Variants in INPP5B observed in about 807,000 individuals in gnomAD.
INPP5B encodes the protein type II inositol 1,4,5-trisphosphate 5-phosphatase.
INPP5B carries 90 observed loss-of-function variants against 118.5 expected under a neutral mutation model. That is an observed-to-expected ratio of 0.76 (90% confidence interval 0.64 to 0.90). INPP5B has a LOEUF of 0.90. INPP5B is among the 40% of genes least tolerant of loss of function. The pLI is 0.00. For synonymous variants in INPP5B, 385 were observed against 418.9 expected (o/e 0.92, Z 0.99); for missense variants, 984 against 1,125.6 (o/e 0.87, Z 1.80).
chr1:37,918,077 A>G (rs762669152), intron 7 of INPP5B, among the ~76,000 whole-genome samples: 7 of 152,242 alleles, frequency 4.6e-5, no homozygotes, highest in Middle Eastern at 3.4e-3. Context: ...CAGTCTTGCC[A>G]TCGGCTCACC....
intron 7 of INPP5B, among the ~76,000 whole-genome samples, chr1:37,891,734 G>A (rs922619148): frequency 3.3e-5 from 5 of 151,956 alleles, no homozygotes; most frequent in African/African-American, 7.2e-5. Flanking sequence ...AGATCGTGCC[G>A]TTGCACTCCA....
rs559659840 is a variant in INPP5B, at chr1:37,874,151, C to G, written c.1793G>C (p.Cys598Ser). ...PSVSLSKREFCFQNVKYMQLK... is the reference protein window; with the variant it reads ...PSVSLSKREFSFQNVKYMQLK... ...TTGCATGTACTTCACATTCTGAAAA[C>G]AGAACTGGGAAGAAGCCCGGGGCCA... Residue 598 changes from cysteine (C) to serine (S), a missense_variant, in exon 18 of 24, where the codon TGT becomes TCT. Physicochemically the swap from Cys to Ser is moderately radical, Grantham distance 112. This residue lies in a region of INPP5B where 634 missense variants were observed against 791.0 expected (regional missense o/e 0.80). Coordinates refer to ENST00000373024, the MANE Select transcript of INPP5B (RefSeq NM_005540.3). 7 of 1,564,576 alleles carry G rather than the reference C, an allele frequency of 4.5e-6. No homozygotes were observed. The highest frequency in any genetic ancestry group is 6.1e-6 in the Non-Finnish European group (7 of 1,143,620).
At chr1:37,875,569 G>T in intron 17 of INPP5B, 37 bp downstream of exon 17, 1 of 1,537,060 alleles carries the variant, frequency 6.5e-7, no homozygotes, top group Non-Finnish European at 9.0e-7. Context: ...CACCCGGCCT[G>T]AGCCCAATGC....
chr1:37,896,476 G>T (rs890729851), intron 7 of INPP5B, among the ~76,000 whole-genome samples: 1 of 145,018 alleles, frequency 6.9e-6, no homozygotes, highest in Non-Finnish European at 1.5e-5. Context: ...GAGGTGGGGG[G>T]ATCAGCCCCC....
chr1:37,891,014 G>A (rs1300023660), intron 8 of INPP5B, among the ~76,000 whole-genome samples: 1 of 152,030 alleles, frequency 6.6e-6, no homozygotes, highest in Admixed American at 6.6e-5. Flanking sequence ...ATCAGATGAG[G>A]TCACAAGTTC....
At chr1:37,918,540 C>A (rs189672823) in intron 7 of INPP5B, among the ~76,000 whole-genome samples, 22 of 152,308 alleles carry the variant, frequency 1.4e-4, no homozygotes, top group African/African-American at 5.1e-4. Flanking sequence ...GTAGTCATTT[C>A]TCTGAATTTT....
chr1:37,917,308 T>TTA (rs368327131), intron 7 of INPP5B, among the ~76,000 whole-genome samples: 1,046 of 92,756 alleles, frequency 0.011, 26 homozygotes, highest in African/African-American at 0.036. Context: ...AAAAAAATAA[T>TTA]TATATATATA....
At chr1:37,919,132 C>A (rs923564139) in intron 7 of INPP5B, among the ~76,000 whole-genome samples, 5 of 152,120 alleles carry the variant, frequency 3.3e-5, no homozygotes, top group African/African-American at 1.2e-4. Context: ...ACTATAAACT[C>A]CCAAGGGTAA....
At chr1:37,908,316 A>G (rs538821957) in intron 7 of INPP5B, among the ~76,000 whole-genome samples, 1 of 152,222 alleles carries the variant, frequency 6.6e-6, no homozygotes, top group South Asian at 2.1e-4. Context: ...CATCTCACCA[A>G]CTTCAAATTG....
intron 7 of INPP5B, among the ~76,000 whole-genome samples, chr1:37,903,596 G>A (rs188543608): frequency 3.2e-4 from 48 of 152,210 alleles, no homozygotes; most frequent in East Asian, 3.1e-3. Context: ...GCATGGTGGC[G>A]GGTGCCTGTA....
In INPP5B at chr1:37,931,868, G is replaced by A. The variant is rs760057058; in HGVS notation, c.532+45C>T. The A allele has an allele frequency of 6.2e-6, 10 of 1,613,132 alleles. No homozygotes were observed. The Admixed American group carries it at 1.2e-4, about 19-fold the overall frequency. On this transcript the variant is annotated intron_variant, in intron 7 of 23. Transcript: ENST00000373024. ...AGAACGGAGCCCGCCCCCTGTGGCC[G>A]GGCCTCCTCCAATCCCCACCGTTTC...
intron 12 of INPP5B, among the ~76,000 whole-genome samples, chr1:37,886,193 A>AC (rs1397659364): frequency 1.3e-5 from 2 of 152,056 alleles, no homozygotes; most frequent in African/African-American, 4.8e-5. Context: ...AAACAAACAA[A>AC]AAAAAAACCC....
chr1:37,903,977 A>G lies in INPP5B; in HGVS notation c.533-12523T>C, dbSNP rs191786385. ...GACTTAAGTAATCTTTGGGAAATAAAAACAGTTTTACATGCAAGGTGTGTA... is the reference window on the plus strand; with the variant it reads ...GACTTAAGTAATCTTTGGGAAATAAGAACAGTTTTACATGCAAGGTGTGTA... On this transcript the variant is annotated intron_variant, in intron 7 of 23. Transcript: ENST00000373024. Among the ~76,000 whole-genome samples, 211 of 152,358 alleles carry G rather than the reference A, an allele frequency of 1.4e-3. 1 individual carries two copies. The highest frequency in any genetic ancestry group is 4.7e-3 in the African/African-American group (197 of 41,590).
chr1:37,868,684 C>A, intron 19 of INPP5B, 70 bp from the exon 20 acceptor site: 1 of 947,298 alleles, frequency 1.1e-6, no homozygotes, highest in Non-Finnish European at 1.7e-6. Flanking sequence ...GGCATGGGGA[C>A]AGCAAACCCA....
chr1:37,882,737 A>G, intron 14 of INPP5B, 70 bp downstream of exon 14: 1 of 1,226,932 alleles, frequency 8.2e-7, no homozygotes, highest in Non-Finnish European at 1.2e-6. Context: ...GCGAGTTTGG[A>G]AGCCAGGCTT....
intron 7 of INPP5B, among the ~76,000 whole-genome samples, chr1:37,928,011 C>T (rs1313359791): frequency 6.6e-6 from 1 of 152,134 alleles, no homozygotes; most frequent in African/African-American, 2.4e-5. Context: ...AATGCCTGGG[C>T]CTCAAAGGTG....
chr1:37,897,335 G>A (rs888223138), intron 7 of INPP5B, among the ~76,000 whole-genome samples: 5 of 149,376 alleles, frequency 3.3e-5, no homozygotes, highest in Admixed American at 6.7e-5. Flanking sequence ...GATGGTTGCC[G>A]TGTCTGTGTA....
chr1:37,864,466 C>T, intron 22 of INPP5B, 43 bp from the exon 23 acceptor site: 1 of 1,192,250 alleles, frequency 8.4e-7, no homozygotes, highest in Non-Finnish European at 1.2e-6. Flanking sequence ...TTCACTGAAT[C>T]ATTTCTCAAG....
chr1:37,922,201 C>CA (rs1645081799), intron 7 of INPP5B, among the ~76,000 whole-genome samples: 1 of 151,102 alleles, frequency 6.6e-6, no homozygotes, highest in South Asian at 2.1e-4. Context: ...GAATCTGTCT[C>CA]AAAAAAATGA....
Sources: allele counts gnomAD v4.1 joint callset (sites outside exome capture counted in the v4.1 genomes callset), GRCh38; gene constraint gnomAD v4.1.1; regional missense constraint gnomAD v4.1.1; transcripts MANE v1.5; gene names NCBI Gene and HGNC (gene_info 2026-07-23, HGNC 2026-07-21).